TRA2A: variants seen among roughly 807,000 people sequenced by gnomAD.
TRA2A encodes the protein transformer 2 alpha homolog, also known as transformer-2 protein homolog alpha.
TRA2A carries 31 observed loss-of-function variants against 45.7 expected under a neutral mutation model. The observed-to-expected ratio is 0.68, with a 90% confidence interval of 0.51 to 0.92. The LOEUF (loss-of-function observed/expected upper bound fraction) is 0.92, where lower values mean the gene tolerates loss of function less well. Ranked by LOEUF, TRA2A falls within the 40% of genes least tolerant of loss-of-function variation. The pLI is 0.00. For synonymous variants in TRA2A, 132 were observed against 126.2 expected (o/e 1.05, Z -0.31); for missense variants, 304 against 367.5 (o/e 0.83, Z 1.41).
rs1789881243 is a variant in TRA2A, at chr7:23,516,547, T to A, written c.171-19A>T. ...CCTCGACCTTTGAGAGAAATACATT[T>A]AGGTAAAAATACTGAAACAAAATGG... On this transcript the variant is annotated intron_variant, in intron 2 of 7. Coordinates refer to ENST00000297071, the MANE Select transcript of TRA2A (RefSeq NM_013293.5). 1 of 1,612,190 alleles carries A rather than the reference T, an allele frequency of 6.2e-7. No homozygotes were observed. Among genetic ancestry groups the A allele is most frequent in the African/African-American group, 1.3e-5 (1 of 74,862 alleles).
At chr7:23,506,859 C>A (rs184973221) in intron 5 of TRA2A, among the ~76,000 whole-genome samples, 109 of 152,098 alleles carry the variant, frequency 7.2e-4, no homozygotes, top group African/African-American at 2.5e-3. Context: ...CACTGCAAGC[C>A]CTGCCTCCGG....
intron 4 of TRA2A, 110 bp downstream of exon 4, chr7:23,512,784 A>C: frequency 9.9e-7 from 1 of 1,010,176 alleles, no homozygotes; most frequent in Non-Finnish European, 1.4e-6. Flanking sequence ...AAAAAAAAAA[A>C]AAAGAAAAAA....
intron 1 of TRA2A, among the ~76,000 whole-genome samples, chr7:23,530,794 G>A (rs77643787): frequency 0.018 from 2,719 of 151,978 alleles, 76 homozygotes; most frequent in African/African-American, 0.063. Context: ...AATGGGAGAG[G>A]GCCTGTTAAT....
At chr7:23,524,730 C>T (rs956450892) in intron 1 of TRA2A, among the ~76,000 whole-genome samples, 1 of 150,444 alleles carries the variant, frequency 6.6e-6, no homozygotes, top group African/African-American at 2.5e-5. Context: ...TGCTCTGTAG[C>T]TCAGGCTGGA....
intron 2 of TRA2A, among the ~76,000 whole-genome samples, chr7:23,518,030 C>T (rs1264972487): frequency 6.6e-6 from 1 of 151,886 alleles, no homozygotes; most frequent in Admixed American, 6.6e-5. Flanking sequence ...CCTCTCTCTC[C>T]CAGGCTCAAG....
At chr7:23,508,275 TAAA>T (rs67642004) in intron 4 of TRA2A, among the ~76,000 whole-genome samples, 2,440 of 101,500 alleles carry the variant, frequency 0.024, 101 homozygotes, top group African/African-American at 0.091. Context: ...TAAAGGTCAT[TAAA>T]AAAAAAAAAA....
At chr7:23,525,788 G>C (rs968946113) in intron 1 of TRA2A, among the ~76,000 whole-genome samples, 5 of 152,060 alleles carry the variant, frequency 3.3e-5, no homozygotes, top group African/African-American at 1.2e-4. Context: ...TAGAGACGGG[G>C]TTTCACCACA....
chr7:23,506,119 G>A lies in TRA2A; in HGVS notation c.770+19C>T. ...ACTATCATCTAATTTAGAACAGAAA[G>A]CTCAAGTTAAAACATTACCTGTATC... On this transcript the variant is annotated intron_variant, in intron 6 of 7. Transcript: ENST00000297071. The A allele has an allele frequency of 6.3e-7, 1 of 1,587,502 alleles. No homozygotes were observed. Among genetic ancestry groups the A allele is most frequent in the Non-Finnish European group, 8.6e-7 (1 of 1,161,120 alleles).
At chr7:23,518,630 C>T (rs1028958640) in intron 2 of TRA2A, among the ~76,000 whole-genome samples, 11 of 151,536 alleles carry the variant, frequency 7.3e-5, no homozygotes, top group Admixed American at 2.6e-4. Context: ...CATGAGCCAC[C>T]GTGCCCAGCC....
intron 1 of TRA2A, among the ~76,000 whole-genome samples, chr7:23,527,072 C>G (rs923522928): frequency 6.6e-6 from 1 of 151,954 alleles, no homozygotes; most frequent in Non-Finnish European, 1.5e-5. Context: ...GTGGCAATTT[C>G]AAAGGTAGAA....
intron 2 of TRA2A, among the ~76,000 whole-genome samples, chr7:23,517,503 A>AG (rs1554347122): frequency 1.8e-4 from 21 of 116,254 alleles, no homozygotes; most frequent in East Asian, 3.3e-4. Flanking sequence ...AAAAAAAAAA[A>AG]AGAGAGAAAG....
At chr7:23,506,396 A>G in intron 5 of TRA2A, 130 bp from the exon 6 acceptor site, 2 of 1,157,860 alleles carry the variant, frequency 1.7e-6, no homozygotes, top group Non-Finnish European at 2.3e-6. Context: ...TTGCCTCCGT[A>G]TCTCATTTTA....
At chr7:23,509,089 C>T (rs1269995178) in intron 4 of TRA2A, among the ~76,000 whole-genome samples, 1 of 151,760 alleles carries the variant, frequency 6.6e-6, no homozygotes, top group Non-Finnish European at 1.5e-5. Flanking sequence ...CAAGTAAATC[C>T]TCTTGCCAAA....
intron 5 of TRA2A, 40 bp downstream of exon 5, chr7:23,507,380 G>T: frequency 1.3e-6 from 2 of 1,523,492 alleles, no homozygotes; most frequent in Non-Finnish European, 9.1e-7. Context: ...CATATTTCTG[G>T]TGGATTTCAT....
chr7:23,523,172 G>GTCTTTA (rs1790205117), intron 1 of TRA2A, among the ~76,000 whole-genome samples: 1 of 152,066 alleles, frequency 6.6e-6, no homozygotes, highest in Non-Finnish European at 1.5e-5. Context: ...TTATATCATA[G>GTCTTTA]TCTTTATCTT....
chr7:23,508,246 G>A (rs532506791), intron 4 of TRA2A, among the ~76,000 whole-genome samples: 13 of 140,180 alleles, frequency 9.3e-5, no homozygotes, highest in African/African-American at 2.4e-4. Flanking sequence ...ATATTTCTCC[G>A]TAAGAGTGTC....
At chr7:23,514,320 G>C (rs940375424) in intron 3 of TRA2A, among the ~76,000 whole-genome samples, 2 of 151,840 alleles carry the variant, frequency 1.3e-5, no homozygotes, top group Non-Finnish European at 2.9e-5. Flanking sequence ...CACCCCACCC[G>C]GCCTAGCAGA....
intron 1 of TRA2A, among the ~76,000 whole-genome samples, chr7:23,523,635 C>T (rs1193305789): frequency 6.6e-6 from 1 of 152,212 alleles, no homozygotes; most frequent in Non-Finnish European, 1.5e-5. Context: ...CTGAAATACA[C>T]AGCTACCTTT....
chr7:23,517,857 A>G (rs947928442), intron 2 of TRA2A, among the ~76,000 whole-genome samples: 4 of 149,140 alleles, frequency 2.7e-5, no homozygotes, highest in African/African-American at 7.4e-5. Flanking sequence ...GGCTGCAGTG[A>G]GCTGAGATCG....
Sources: allele counts gnomAD v4.1 joint callset (sites outside exome capture counted in the v4.1 genomes callset), GRCh38; gene constraint gnomAD v4.1.1; transcripts MANE v1.5; gene names NCBI Gene and HGNC (gene_info 2026-07-23, HGNC 2026-07-21).